Variants in TBC1D5 observed in about 807,000 individuals in gnomAD.
The protein encoded by TBC1D5 is TBC1 domain family, member 5.
In TBC1D5, 75 loss-of-function variants were observed where a neutral mutation model predicts 100.3. The ratio of observed to expected loss-of-function variants is 0.75; its 90% confidence interval spans 0.62 to 0.91. The LOEUF (loss-of-function observed/expected upper bound fraction) is 0.91, where lower values mean the gene tolerates loss of function less well. TBC1D5 is among the 40% of genes least tolerant of loss of function. TBC1D5 has a pLI of 0.00. For synonymous variants in TBC1D5, 323 were observed against 325.6 expected (o/e 0.99, Z 0.09); for missense variants, 910 against 942.4 (o/e 0.97, Z 0.45).
intron 17 of TBC1D5, among the ~76,000 whole-genome samples, chr3:17,228,590 T>A (rs1034220652): frequency 6.6e-6 from 1 of 152,134 alleles, no homozygotes; most frequent in Non-Finnish European, 1.5e-5. Context: ...CCATCATATA[T>A]GCATCACATA....
intron 2 of TBC1D5, among the ~76,000 whole-genome samples, chr3:17,554,259 C>A (rs759444573): frequency 2.0e-5 from 3 of 152,128 alleles, no homozygotes; most frequent in Non-Finnish European, 4.4e-5. Context: ...TTTCACTAAT[C>A]CATTCTTTTA....
At chr3:17,668,109 T>A (rs1173292209) in intron 1 of TBC1D5, among the ~76,000 whole-genome samples, 2 of 149,072 alleles carry the variant, frequency 1.3e-5, no homozygotes, top group African/African-American at 4.9e-5. Context: ...ATATATATAT[T>A]TTTAATTTCA....
At chr3:17,387,161 GAAGTA>G (rs962346352) in intron 8 of TBC1D5, among the ~76,000 whole-genome samples, 5 of 152,110 alleles carry the variant, frequency 3.3e-5, no homozygotes, top group African/African-American at 9.7e-5. Context: ...CTCTGAAAAA[GAAGTA>G]AAGTTTTCAA....
Position 17,437,569 on chromosome 3 carries a change from TG to T in TBC1D5, c.98-9051del, listed in dbSNP as rs2094558370. On this transcript the variant is annotated intron_variant, in intron 3 of 21. Transcript: ENST00000253692. ...GGTATATAGGTAGTATGCATGTGTG[TG>T]TGTGTGTGTGTGTGGTGGGATGGAA... is the stretch of plus-strand genomic sequence containing the variant. Among the ~76,000 whole-genome samples, 4 of 150,094 alleles carry T rather than the reference TG, an allele frequency of 2.7e-5. 1 individual carries two copies. In the South Asian group the frequency reaches 8.6e-4, roughly 32 times the overall value.
chr3:17,558,212 T>C (rs1047242385), intron 2 of TBC1D5, among the ~76,000 whole-genome samples: 3 of 152,176 alleles, frequency 2.0e-5, no homozygotes, highest in Non-Finnish European at 4.4e-5. Flanking sequence ...CTGAGAGGAT[T>C]TGCTCTCTGA....
intron 2 of TBC1D5, among the ~76,000 whole-genome samples, chr3:17,601,492 C>T (rs1455699637): frequency 6.6e-6 from 1 of 152,156 alleles, no homozygotes; most frequent in African/African-American, 2.4e-5. Context: ...GCCTGGGCAA[C>T]AAGAGCGAAA....
intron 13 of TBC1D5, among the ~76,000 whole-genome samples, chr3:17,328,719 C>T (rs2086502360): frequency 6.6e-6 from 1 of 152,192 alleles, no homozygotes; most frequent in Non-Finnish European, 1.5e-5. Flanking sequence ...GAAAGTTATA[C>T]TCACAAAGCT....
intron 2 of TBC1D5, among the ~76,000 whole-genome samples, chr3:17,623,026 T>G (rs2062789692): frequency 6.6e-6 from 1 of 152,204 alleles, no homozygotes; most frequent in Non-Finnish European, 1.5e-5. Flanking sequence ...AATAAAATTC[T>G]GGTGTGAGTT....
chr3:17,605,455 G>C (rs2061278568), intron 2 of TBC1D5, among the ~76,000 whole-genome samples: 1 of 152,142 alleles, frequency 6.6e-6, no homozygotes, highest in African/African-American at 2.4e-5. Flanking sequence ...GGCATTTTTA[G>C]CAACTAGAAT....
chr3:17,592,643 G>C (rs886084067), intron 2 of TBC1D5, among the ~76,000 whole-genome samples: 1 of 152,186 alleles, frequency 6.6e-6, no homozygotes, highest in Non-Finnish European at 1.5e-5. Flanking sequence ...TCCAGAACAG[G>C]AGAAGGCTCT....
upstream of TBC1D5, among the ~76,000 whole-genome samples, chr3:17,742,053 A>G (rs1423677073): frequency 6.6e-6 from 1 of 152,106 alleles, no homozygotes; most frequent in African/African-American, 2.4e-5. Context: ...GAAGTTGAGC[A>G]CTAGTCCAGC....
At position 17,259,200 on chromosome 3, in the gene TBC1D5, G is replaced by C. The variant is rs189303157; in HGVS notation, c.1246-609C>G. ...CCAGGATAACCATTACTATACAAAA[G>C]CAAATTGACCAATGCACATTTTCAC... On this transcript the variant is annotated intron_variant, in intron 15 of 21. Transcript: ENST00000253692. Among the ~76,000 whole-genome samples, 511 of 152,266 alleles carry C rather than the reference G, an allele frequency of 3.4e-3. 5 individuals are homozygous for C. Among genetic ancestry groups the C allele is most frequent in the African/African-American group, 0.012 (485 of 41,552 alleles).
chr3:17,709,058 C>A (rs958689703), intron 1 of TBC1D5, among the ~76,000 whole-genome samples: 1 of 152,078 alleles, frequency 6.6e-6, no homozygotes, highest in African/African-American at 2.4e-5. Context: ...GGCATACATG[C>A]ATATTAGTAT....
chr3:17,723,346 T>G (rs1159749016), intron 1 of TBC1D5, among the ~76,000 whole-genome samples: 1 of 151,794 alleles, frequency 6.6e-6, no homozygotes, highest in Non-Finnish European at 1.5e-5. Flanking sequence ...ACCAAAAAAG[T>G]AAAAATAAAA....
intron 1 of TBC1D5, among the ~76,000 whole-genome samples, chr3:17,630,810 C>G (rs1264904645): frequency 6.6e-6 from 1 of 151,466 alleles, no homozygotes; most frequent in African/African-American, 2.4e-5. Flanking sequence ...CTGAGATGGG[C>G]CGATCACGAG....
intron 1 of TBC1D5, among the ~76,000 whole-genome samples, chr3:17,636,163 G>A (rs2063900796): frequency 6.6e-6 from 1 of 152,044 alleles, no homozygotes; most frequent in South Asian, 2.1e-4. Flanking sequence ...CTCTAGCCTG[G>A]GTGATAGAGC....
intron 3 of TBC1D5, among the ~76,000 whole-genome samples, chr3:17,471,438 T>C (rs777688055): frequency 1.3e-5 from 2 of 152,054 alleles, no homozygotes; most frequent in African/African-American, 4.8e-5. Context: ...TAGAAAACAA[T>C]CATAAGTATA....
chr3:17,376,434 C>A, intron 10 of TBC1D5, 91 bp downstream of exon 10: 1 of 1,051,340 alleles, frequency 9.5e-7, no homozygotes, highest in Non-Finnish European at 1.4e-6. Context: ...CTTGTAAGTA[C>A]CTTCCATTTA....
chr3:17,406,438 A>G, exon 5 of TBC1D5: 1 of 1,609,590 alleles, frequency 6.2e-7, no homozygotes, highest in Non-Finnish European at 8.5e-7. Flanking sequence ...ATGCTGCGGA[A>G]CCTGCTGCTT....
Sources: allele counts gnomAD v4.1 joint callset (sites outside exome capture counted in the v4.1 genomes callset), GRCh38; gene constraint gnomAD v4.1.1; transcripts MANE v1.5; gene names NCBI Gene and HGNC (gene_info 2026-07-23, HGNC 2026-07-21).